Variants in COBL observed in about 807,000 individuals in gnomAD.
COBL encodes the protein protein cordon-bleu.
A neutral mutation model predicts 98.8 loss-of-function variants in COBL; 51 were observed. The ratio of observed to expected loss-of-function variants is 0.52; its 90% CI spans 0.41 to 0.65. The LOEUF is 0.65. COBL is among the 30% of genes least tolerant of loss of function. The pLI is 0.00. For synonymous variants in COBL, 634 were observed against 651.7 expected (o/e 0.97, Z 0.41); for missense variants, 1,617 against 1,617.5 (o/e 1.00, Z 0.01).
At chr7:51,083,189 G>A in intron 7 of COBL, 7 of 1,475,862 alleles carry the variant, frequency 4.7e-6, no homozygotes, top group Non-Finnish European at 6.2e-6. Context: ...ACCCCGAGCA[G>A]TGCCTCTGGG....
At chr7:51,069,744 C>T (rs141258978) in intron 7 of COBL, among the ~76,000 whole-genome samples, 5 of 152,318 alleles carry the variant, frequency 3.3e-5, no homozygotes, top group African/African-American at 1.2e-4. Flanking sequence ...CTTATTCACA[C>T]AAAACATACA....
chr7:51,027,799 G>A lies in COBL; in HGVS notation c.3297C>T (p.Val1099=). 1 of 1,614,204 alleles carries A rather than the reference G, an allele frequency of 6.2e-7. No homozygotes were observed. ...FGPKKKFKPV[V]QRPVPKDTSL... is the part of the protein sequence containing the mutation. ...ATGTGTCTTTTGGGACTGGTCTCTG[G>A]ACAACAGGTTTGAATTTTTTCTTCG... is the stretch of plus-strand genomic sequence containing the variant. Residue 1099 remains valine (V), a synonymous_variant, in exon 10 of 13, where the codon GTC becomes GTT. Coordinates refer to ENST00000265136, the MANE Select transcript of COBL (RefSeq NM_015198.5).
rs2129227379 is a variant in COBL, at chr7:51,316,343, G to A, written c.41+250C>T. The A allele has an allele frequency of 1.6e-5, 5 of 309,670 alleles. No individual in the cohort carries two copies. In the East Asian group the frequency reaches 2.6e-4, roughly 16 times the overall value. 19.2% of individuals were successfully genotyped at this position (309,670 alleles called of 1,614,324 possible). A position where few individuals can be genotyped will look rare whatever the true frequency, so the allele number is the denominator to read the frequency against. ...CGCCTGCATACAAACCACCCCGCGC[G>A]AAAAGTGCGCTCCGGCCCCGGCCCG... On this transcript the variant is annotated intron_variant, in intron 1 of 12. Transcript: ENST00000265136.
chr7:51,281,720 G>T (rs1799833913), intron 1 of COBL, among the ~76,000 whole-genome samples: 1 of 151,390 alleles, frequency 6.6e-6, no homozygotes, highest in Non-Finnish European at 1.5e-5. Context: ...GTGAAACAAA[G>T]ATATTCTCAA....
rs565603354 is a variant in COBL at position 51,057,701 on chromosome 7, C to T, written c.1097-14009G>A. ...CTGTCTAACTCACAATTATGGTGGCCCAAAATAACTTGGCTTTATTGGCCA... is the reference window on the plus strand; with the variant it reads ...CTGTCTAACTCACAATTATGGTGGCTCAAAATAACTTGGCTTTATTGGCCA... On this transcript the variant is annotated intron_variant, in intron 7 of 12. Transcript: ENST00000265136. Among the ~76,000 whole-genome samples, 168 of 152,260 alleles carry T rather than the reference C, an allele frequency of 1.1e-3. 2 individuals are homozygous for T. Among genetic ancestry groups the T allele is most frequent in the Admixed American group, 4.1e-3 (63 of 15,296 alleles).
chr7:51,086,803 T>C (rs887527378), intron 6 of COBL, among the ~76,000 whole-genome samples: 2 of 152,224 alleles, frequency 1.3e-5, no homozygotes, highest in African/African-American at 4.8e-5. Flanking sequence ...TTTTTTCTTC[T>C]AAAAATATTT....
At chr7:51,109,780 AG>A (rs1156296999) in intron 6 of COBL, among the ~76,000 whole-genome samples, 1 of 152,156 alleles carries the variant, frequency 6.6e-6, no homozygotes, top group African/African-American at 2.4e-5. Context: ...ATGTCTCGTG[AG>A]GGGAAGACAG....
At chr7:51,063,861 A>G (rs527950384) in intron 7 of COBL, among the ~76,000 whole-genome samples, 138 of 152,318 alleles carry the variant, frequency 9.1e-4, no homozygotes, top group African/African-American at 3.2e-3. Flanking sequence ...TTCTACATGT[A>G]TTTGTATGTG....
At chr7:51,287,025 G>C (rs1000663895) in intron 1 of COBL, among the ~76,000 whole-genome samples, 1 of 152,148 alleles carries the variant, frequency 6.6e-6, no homozygotes, top group Non-Finnish European at 1.5e-5. Flanking sequence ...ACCAAATACT[G>C]CATGTTGTTA....
intron 4 of COBL, among the ~76,000 whole-genome samples, chr7:51,187,652 T>A (rs1384029039): frequency 6.6e-6 from 1 of 152,206 alleles, no homozygotes; most frequent in East Asian, 1.9e-4. Context: ...ATTTGTTTTC[T>A]GTAACAGCCT....
intron 1 of COBL, among the ~76,000 whole-genome samples, chr7:51,237,604 A>T (rs1795392134): frequency 6.6e-6 from 1 of 150,648 alleles, no homozygotes; most frequent in Non-Finnish European, 1.5e-5. Flanking sequence ...ATATGTCTAC[A>T]TTTTTGCCAC....
At chr7:51,163,264 T>G (rs2129036610) in intron 5 of COBL, among the ~76,000 whole-genome samples, 1 of 152,332 alleles carries the variant, frequency 6.6e-6, no homozygotes, top group East Asian at 1.9e-4. Context: ...GGCAGAGTGC[T>G]CTTCAGAAAT....
chr7:51,179,962 TC>T (rs2129049526), intron 5 of COBL, among the ~76,000 whole-genome samples: 1 of 152,348 alleles, frequency 6.6e-6, no homozygotes, highest in East Asian at 1.9e-4. Flanking sequence ...AGAAAACTTT[TC>T]TTTTTGAGCT....
intron 6 of COBL, among the ~76,000 whole-genome samples, chr7:51,092,718 G>A (rs1200898534): frequency 1.3e-5 from 2 of 152,154 alleles, no homozygotes; most frequent in East Asian, 1.9e-4. Flanking sequence ...ATCAGGGAGT[G>A]TGATGCCTCC....
intron 7 of COBL, among the ~76,000 whole-genome samples, chr7:51,049,164 A>C (rs1790002742): frequency 6.6e-6 from 1 of 152,224 alleles, no homozygotes; most frequent in Non-Finnish European, 1.5e-5. Flanking sequence ...GGAAAGAAAA[A>C]TTGGGAAACC....
chr7:51,065,724 G>C (rs1481945006), intron 7 of COBL, among the ~76,000 whole-genome samples: 1 of 152,258 alleles, frequency 6.6e-6, no homozygotes, highest in Non-Finnish European at 1.5e-5. Flanking sequence ...GGTGCTATGG[G>C]CTGAACTGTG....
At chr7:51,101,893 T>C (rs1795839241) in intron 6 of COBL, among the ~76,000 whole-genome samples, 1 of 152,062 alleles carries the variant, frequency 6.6e-6, no homozygotes, top group Admixed American at 6.5e-5. Flanking sequence ...AAAATTCAGG[T>C]GTGGAAATCC....
At chr7:51,252,978 C>G (rs1002051341) in intron 1 of COBL, among the ~76,000 whole-genome samples, 4 of 152,064 alleles carry the variant, frequency 2.6e-5, no homozygotes, top group African/African-American at 9.7e-5. Flanking sequence ...ATCGCAGCAC[C>G]TTGGGAGGCC....
At chr7:51,083,149 C>CGGGG in intron 7 of COBL, 1 of 345,466 alleles carries the variant, frequency 2.9e-6, no homozygotes, top group Non-Finnish European at 4.3e-6. Context: ...GAGGGTAGGG[C>CGGGG]GGGGGTGGGG....
Sources: gnomAD v4.1 joint callset for allele counts (sites outside exome capture counted in the v4.1 genomes callset) on GRCh38, gnomAD v4.1.1 for gene constraint, MANE v1.5 for transcripts, NCBI Gene and HGNC (gene_info 2026-07-23, HGNC 2026-07-21) for gene names.